CDH12: variants seen among roughly 807,000 people sequenced by gnomAD.
CDH12 encodes cadherin 12, also known as cadherin-12.
A neutral mutation model predicts 74.1 loss-of-function variants in CDH12; 41 were observed. The observed-to-expected ratio is 0.55, with a 90% CI of 0.43 to 0.72. The LOEUF is 0.72. Among genes scored for constraint, CDH12 ranks in the 30% least tolerant of loss-of-function variants. The pLI is 0.00. For missense variants in CDH12, 945 were observed against 977.2 expected, an observed-to-expected ratio of 0.97 and a Z score of 0.44; for synonymous variants, 399 against 355.0, an observed-to-expected ratio of 1.12 and a Z score of -1.39.
At chr5:22,546,028 C>A (rs1402226660) in intron 1 of CDH12, among the ~76,000 whole-genome samples, 1 of 151,998 alleles carries the variant, frequency 6.6e-6, no homozygotes, top group Admixed American at 6.6e-5. Flanking sequence ...CACTGCAACC[C>A]CTGCCTCCCT....
chr5:22,366,888 G>C (rs1741056342), intron 3 of CDH12, among the ~76,000 whole-genome samples: 2 of 152,130 alleles, frequency 1.3e-5, no homozygotes, highest in Admixed American at 1.3e-4. Flanking sequence ...GCCATTTACT[G>C]GATGTGTCGC....
rs536415230 is a variant in CDH12 at position 21,962,959 on chromosome 5, A to G, written c.526+12132T>C. On this transcript the variant is annotated intron_variant, in intron 6 of 14. Transcript: ENST00000382254. ...CAGGTATAGAGCAGCTTTTGACGAA[A>G]TTGGTGCCAAACACTTATTCTGGCT... Among the ~76,000 whole-genome samples the G allele has an allele frequency of 2.6e-5, 4 of 152,198 alleles. No individual in the cohort carries two copies. The South Asian group carries it at 8.3e-4, about 32-fold the overall frequency.
At chr5:22,671,842 AT>A (rs369400766) in intron 1 of CDH12, among the ~76,000 whole-genome samples, 7,161 of 146,496 alleles carry the variant, frequency 0.049, 209 homozygotes, top group Admixed American at 0.077. Context: ...TACTTTTCTC[AT>A]TTTTTTTTTC....
intron 3 of CDH12, among the ~76,000 whole-genome samples, chr5:22,377,595 A>C (rs1355825912): frequency 6.6e-6 from 1 of 151,778 alleles, no homozygotes; most frequent in Non-Finnish European, 1.5e-5. Context: ...AAGATCTGCA[A>C]CTCCCCTCTC....
chr5:21,769,056 C>G (rs1456399505), intron 11 of CDH12, among the ~76,000 whole-genome samples: 7 of 151,982 alleles, frequency 4.6e-5, no homozygotes, highest in Non-Finnish European at 8.8e-5. Flanking sequence ...TTGCATTTGA[C>G]AAAACCCTAG....
intron 1 of CDH12, among the ~76,000 whole-genome samples, chr5:22,541,624 C>A (rs199556992): frequency 1.3e-5 from 2 of 152,238 alleles, no homozygotes; most frequent in East Asian, 1.9e-4. Flanking sequence ...GGGTACCATC[C>A]CCCACCCCAG....
At chr5:21,936,912 T>C (rs1269990796) in intron 6 of CDH12, among the ~76,000 whole-genome samples, 3 of 152,236 alleles carry the variant, frequency 2.0e-5, no homozygotes, top group African/African-American at 7.2e-5. Flanking sequence ...TCCACCATGA[T>C]TATAAGTTTA....
chr5:22,735,944 A>G (rs1011789687), intron 1 of CDH12, among the ~76,000 whole-genome samples: 2 of 151,850 alleles, frequency 1.3e-5, no homozygotes, highest in African/African-American at 4.8e-5. Context: ...GACCAGGATC[A>G]ATGACTACGT....
chr5:22,308,485 C>T (rs1738225148), intron 3 of CDH12, among the ~76,000 whole-genome samples: 1 of 152,012 alleles, frequency 6.6e-6, no homozygotes, highest in East Asian at 1.9e-4. Context: ...AAAAGATATC[C>T]TCAAGAATGA....
rs529399257 is a variant in CDH12, at chr5:22,362,289, TC to T, written c.-333+42967del. 5.2e-3 allele frequency among the ~76,000 whole-genome samples: 786 copies of T among 152,292 alleles called. 9 individuals are homozygous for T. Among genetic ancestry groups the T allele is most frequent in the African/African-American group, 0.018 (756 of 41,566 alleles). On this transcript the variant is annotated intron_variant, in intron 3 of 14. Coordinates refer to ENST00000382254, the MANE Select transcript of CDH12 (RefSeq NM_004061.5). ...GGTGAAGGATATGAACAGACACTTC[TC>T]AAAAGAAGACATCTATGCAGCCAAC...
At chr5:22,541,875 C>T (rs1738116890) in intron 1 of CDH12, among the ~76,000 whole-genome samples, 1 of 152,162 alleles carries the variant, frequency 6.6e-6, no homozygotes. Flanking sequence ...TTTTCTAATG[C>T]TTCCAGGACT....
chr5:21,995,943 AT>A (rs1489928622), intron 5 of CDH12, among the ~76,000 whole-genome samples: 2 of 151,874 alleles, frequency 1.3e-5, no homozygotes, highest in African/African-American at 4.8e-5. Flanking sequence ...ATTGCCACCC[AT>A]TTTATGTCTT....
At chr5:21,889,441 G>A in intron 6 of CDH12, 2 of 310,122 alleles carry the variant, frequency 6.4e-6, no homozygotes, top group Non-Finnish European at 9.4e-6. Context: ...CAAAGCTGTA[G>A]TTGCCTGCAC....
chr5:22,109,573 C>T (rs1373160756), intron 4 of CDH12, among the ~76,000 whole-genome samples: 1 of 152,172 alleles, frequency 6.6e-6, no homozygotes, highest in African/African-American at 2.4e-5. Flanking sequence ...ACCCAGCATG[C>T]TAAGCTGTTA....
In CDH12 at chr5:21,755,780, A is replaced by T. The variant is rs1744358144; in HGVS notation, c.1696T>A (p.Phe566Ile). The change falls in exon 14 of 15, where the codon TTC (phenylalanine) becomes ATC (isoleucine). Residue 566 changes from phenylalanine to isoleucine, a missense_variant. This residue lies in a region of CDH12 where 791 missense variants were observed against 792.8 expected (regional missense o/e 1.00). Transcript: ENST00000382254. ...GYSRRQQELY[F>I]LPVVIEDSSY... is the part of the protein sequence containing the mutation. ...CTGTCTTCTATTACAACAGGGAGGA[A>T]ATACAACTCTTGCTGCCTGCGGCTG... 5.0e-6 allele frequency: 8 copies of T among 1,614,000 alleles called. No homozygotes were observed. The highest frequency in any genetic ancestry group is 5.1e-6 in the Non-Finnish European group (6 of 1,179,940).
intron 6 of CDH12, among the ~76,000 whole-genome samples, chr5:21,937,027 A>T (rs1755103695): frequency 6.6e-6 from 1 of 152,258 alleles, no homozygotes; most frequent in Non-Finnish European, 1.5e-5. Flanking sequence ...ATGGACTAAT[A>T]AGATAAACTT....
chr5:21,915,361 A>G (rs2150067052), intron 6 of CDH12, among the ~76,000 whole-genome samples: 1 of 152,284 alleles, frequency 6.6e-6, no homozygotes, highest in South Asian at 2.1e-4. Context: ...AAATTCAGGA[A>G]GCGAACTGCA....
At chr5:22,642,066 G>A (rs1489210010) in intron 1 of CDH12, among the ~76,000 whole-genome samples, 2 of 152,098 alleles carry the variant, frequency 1.3e-5, no homozygotes, top group African/African-American at 2.4e-5. Flanking sequence ...TTTATAAGAC[G>A]AAAAGACAAT....
rs138273960 is a variant in CDH12, at chr5:22,080,904, C to T, written c.-186-2042G>A. Among the ~76,000 whole-genome samples the T allele has an allele frequency of 7.3e-3, 1,115 of 152,012 alleles. 12 individuals carry two copies. The highest frequency in any genetic ancestry group is 0.025 in the African/African-American group (1,056 of 41,458). Reference sequence around the variant, plus strand: ...AACTGATTCTTCTGACTCAGCCTCCCGAGTAGCTGGGACTATAGGTGCGTG... The same window carrying T: ...AACTGATTCTTCTGACTCAGCCTCCTGAGTAGCTGGGACTATAGGTGCGTG... On this transcript the variant is annotated intron_variant, in intron 4 of 14. Coordinates refer to ENST00000382254, the MANE Select transcript of CDH12 (RefSeq NM_004061.5).
Sources: allele counts gnomAD v4.1 joint callset (sites outside exome capture counted in the v4.1 genomes callset), GRCh38; gene constraint gnomAD v4.1.1; regional missense constraint gnomAD v4.1.1; transcripts MANE v1.5; gene names NCBI Gene and HGNC (gene_info 2026-07-23, HGNC 2026-07-21).